EPN2: variants seen among roughly 807,000 people sequenced by gnomAD.
EPN2 encodes epsin-2.
A neutral mutation model predicts 61.7 loss-of-function variants in EPN2; 34 were observed. The ratio of observed to expected loss-of-function variants is 0.55; its 90% confidence interval spans 0.42 to 0.73. EPN2 has a LOEUF of 0.73. EPN2 is among the 30% of genes least tolerant of loss of function. The pLI is 0.00. For synonymous variants in EPN2, 349 were observed against 353.6 expected, an observed-to-expected ratio of 0.99 and a Z score of 0.15; for missense variants, 714 against 839.2, an observed-to-expected ratio of 0.85 and a Z score of 1.84.
intron 1 of EPN2, among the ~76,000 whole-genome samples, chr17:19,272,892 T>C (rs1174645385): frequency 6.6e-6 from 1 of 152,178 alleles, no homozygotes; most frequent in Non-Finnish European, 1.5e-5. Context: ...AAACCAGGTC[T>C]CCAGACCCCA....
chr17:19,331,116 T>C (rs866637101), intron 9 of EPN2, among the ~76,000 whole-genome samples: 1 of 152,240 alleles, frequency 6.6e-6, no homozygotes, highest in Non-Finnish European at 1.5e-5. Flanking sequence ...TTCTCATGAC[T>C]TTAAAACTTG....
chr17:19,314,581 G>C (rs1336393410), intron 7 of EPN2, among the ~76,000 whole-genome samples: 2 of 152,180 alleles, frequency 1.3e-5, no homozygotes, highest in African/African-American at 2.4e-5. Flanking sequence ...GTCAGCCCCC[G>C]ATGCCCTTTA....
chr17:19,276,220 C>G (rs1329045034), intron 1 of EPN2, among the ~76,000 whole-genome samples: 1 of 152,088 alleles, frequency 6.6e-6, no homozygotes, highest in Admixed American at 6.6e-5. Context: ...GACAAAGTTG[C>G]TCTTTCACCC....
chr17:19,310,284 C>T (rs769436653), intron 5 of EPN2, among the ~76,000 whole-genome samples: 14 of 149,102 alleles, frequency 9.4e-5, no homozygotes, highest in Non-Finnish European at 1.8e-4. Flanking sequence ...TGTGCAGACA[C>T]GTGTCTGGGC....
Position 19,335,499 on chromosome 17 carries a change from A to G in EPN2, c.*1245A>G, listed in dbSNP as rs895861305. 6.5e-7 allele frequency: 1 copy of G among 1,542,498 alleles called. No homozygotes were observed. The highest frequency in any genetic ancestry group is 2.0e-5 in the Admixed American group (1 of 50,000). ...TGTGTCTGTGATCTCCTCTGTCTTA[A>G]TCCACGCTCAGGCTAAAGATGGGGA... On this transcript the variant is annotated 3_prime_UTR_variant, in exon 11 of 11. Coordinates refer to ENST00000314728, the MANE Select transcript of EPN2 (RefSeq NM_014964.5).
chr17:19,244,769 A>G (rs1421247600), intron 1 of EPN2, among the ~76,000 whole-genome samples: 1 of 152,078 alleles, frequency 6.6e-6, no homozygotes, highest in Non-Finnish European at 1.5e-5. Flanking sequence ...TTTAATTTTC[A>G]TGGTGGTCCT....
At chr17:19,248,697 T>C (rs1421514923) in intron 1 of EPN2, among the ~76,000 whole-genome samples, 1 of 152,244 alleles carries the variant, frequency 6.6e-6, no homozygotes, top group Non-Finnish European at 1.5e-5. Context: ...ATATGTATTA[T>C]GTGCTGTTGG....
intron 4 of EPN2, among the ~76,000 whole-genome samples, chr17:19,292,919 G>A (rs369706844): frequency 1.8e-3 from 268 of 152,206 alleles, no homozygotes; most frequent in African/African-American, 6.2e-3. Context: ...ATTAGAACTG[G>A]GATTTTGAAG....
Position 19,267,554 on chromosome 17 carries a change from T to A in EPN2, c.-293-14401T>A, listed in dbSNP as rs183824270. Among the ~76,000 whole-genome samples the A allele has an allele frequency of 3.8e-3, 581 of 151,618 alleles. 20 individuals carry two copies. The East Asian group carries it at 0.075, about 20-fold the overall frequency. ...CAGTAGAGCAGCTTTTTTTTTTTTT[T>A]TAAAAAAAGACAGAGTTCCACTCTG... On this transcript the variant is annotated intron_variant, in intron 1 of 10. Transcript: ENST00000314728.
intron 1 of EPN2, among the ~76,000 whole-genome samples, chr17:19,281,680 C>T (rs541651318): frequency 9.2e-5 from 14 of 152,126 alleles, no homozygotes; most frequent in Non-Finnish European, 1.3e-4. Context: ...TTCCAGGCTT[C>T]GGTTCCTCAC....
rs1380111570 is a variant in EPN2, at chr17:19,293,359, A to C, written c.766+7569A>C. Among the ~76,000 whole-genome samples the C allele has an allele frequency of 3.3e-5, 5 of 149,292 alleles. No homozygotes were observed. In the East Asian group the frequency reaches 9.8e-4, roughly 29 times the overall value. ...CACTCCAGCCTGGGTGACAAGAGCG[A>C]AACTCCATCTCAAAAAAAAAAAAAA... On this transcript the variant is annotated intron_variant, in intron 4 of 10. Transcript: ENST00000314728.
At chr17:19,245,210 AC>A (rs1370054745) in intron 1 of EPN2, among the ~76,000 whole-genome samples, 1 of 151,928 alleles carries the variant, frequency 6.6e-6, no homozygotes, top group African/African-American at 2.4e-5. Context: ...AGATGGCTTG[AC>A]CCCAAGGAAG....
intron 1 of EPN2, among the ~76,000 whole-genome samples, chr17:19,256,119 A>G (rs1327533586): frequency 6.6e-6 from 1 of 151,750 alleles, no homozygotes; most frequent in Non-Finnish European, 1.5e-5. Context: ...TTGTATTTTT[A>G]GTAGAGACGG....
chr17:19,289,074 GTTTTTTTTTTTTTT>G (rs1162172422), intron 4 of EPN2, among the ~76,000 whole-genome samples: 9 of 68,690 alleles, frequency 1.3e-4, no homozygotes, highest in East Asian at 1.5e-3. Flanking sequence ...TTCTGGGTAT[GTTTTTTTTTTTTTT>G]TTTTTTTTTT....
intron 9 of EPN2, among the ~76,000 whole-genome samples, chr17:19,330,896 A>G (rs1026773940): frequency 2.0e-5 from 3 of 152,304 alleles, no homozygotes; most frequent in Non-Finnish European, 4.4e-5. Flanking sequence ...CAGCTAGTCA[A>G]GAGGCTAAGG....
chr17:19,327,117 C>A (rs1308503358), intron 7 of EPN2, among the ~76,000 whole-genome samples: 5 of 152,120 alleles, frequency 3.3e-5, no homozygotes, highest in Admixed American at 2.0e-4. Context: ...ACTCGTGCCA[C>A]CATGTGGAAA....
At chr17:19,250,737 C>T (rs530339873) in intron 1 of EPN2, among the ~76,000 whole-genome samples, 2 of 152,260 alleles carry the variant, frequency 1.3e-5, no homozygotes, top group Non-Finnish European at 2.9e-5. Flanking sequence ...CTGGTCCCTG[C>T]TCTGGGGACA....
At chr17:19,320,326 G>C (rs544997643) in intron 7 of EPN2, among the ~76,000 whole-genome samples, 2 of 152,282 alleles carry the variant, frequency 1.3e-5, no homozygotes, top group South Asian at 2.1e-4. Flanking sequence ...GCCAGGCCTG[G>C]GGACTGCTGA....
intron 1 of EPN2, among the ~76,000 whole-genome samples, chr17:19,270,488 C>T (rs1268475293): frequency 5.3e-5 from 8 of 152,190 alleles, no homozygotes; most frequent in Non-Finnish European, 7.3e-5. Flanking sequence ...CATCTCCTGC[C>T]GAGCTGTCCT....
Sources: gnomAD v4.1 joint callset for allele counts (sites outside exome capture counted in the v4.1 genomes callset) on GRCh38, gnomAD v4.1.1 for gene constraint, MANE v1.5 for transcripts, NCBI Gene and HGNC (gene_info 2026-07-23, HGNC 2026-07-21) for gene names.